The following ITPR3 variants were observed in gnomAD, a reference collection of about 807,000 sequenced individuals.
ITPR3 encodes the protein inositol 1,4,5-trisphosphate-gated calcium channel ITPR3.
In ITPR3, 173 loss-of-function variants were observed where a neutral mutation model predicts 293.2. The ratio of observed to expected loss-of-function variants is 0.59; its 90% confidence interval spans 0.52 to 0.67. The LOEUF (loss-of-function observed/expected upper bound fraction) is 0.67, where lower values mean the gene tolerates loss of function less well. ITPR3 is among the 30% of genes least tolerant of loss of function. The pLI is 0.00. For missense variants in ITPR3, 2,796 were observed against 3,592.1 expected, an observed-to-expected ratio of 0.78 and a Z score of 5.66; for synonymous variants, 1,295 against 1,444.4, an observed-to-expected ratio of 0.90 and a Z score of 2.35.
In ITPR3 at chr6:33,659,166, C is replaced by A. The variant is rs754859188; in HGVS notation, c.627+47C>A. On this transcript the variant is annotated intron_variant, in intron 6 of 57. Transcript: ENST00000605930. ...CATGCAGTGCAGGGACGTCCACACACCCCTGGTGGTGTAGACACCCCGCTC... is the reference window on the plus strand; with the variant it reads ...CATGCAGTGCAGGGACGTCCACACAACCCTGGTGGTGTAGACACCCCGCTC... The A allele has an allele frequency of 6.5e-6, 10 of 1,527,838 alleles. No homozygotes were observed. The South Asian group carries it at 6.7e-5, about 10-fold the overall frequency. 94.6% of individuals were successfully genotyped at this position (1,527,838 alleles called of 1,614,324 possible). A position where few individuals can be genotyped will look rare whatever the true frequency, so the allele number is the denominator to read the frequency against.
Position 33,670,840 on chromosome 6 carries a change from TG to T in ITPR3, c.2586+30del. 1 of 1,608,574 alleles carries T rather than the reference TG, an allele frequency of 6.2e-7. No individual in the cohort carries two copies. Reference sequence around the variant, plus strand: ...GGTGGCTGGGGGAGTGCCCAGGGGCTGGGGGTCCGTGGAGCTCTTGTTGGCC... The same window carrying T: ...GGTGGCTGGGGGAGTGCCCAGGGGCTGGGGTCCGTGGAGCTCTTGTTGGCC... On this transcript the variant is annotated intron_variant, in intron 20 of 57. Transcript: ENST00000605930. This position sits in a 1 kb window ranked among gnomAD's most constrained non-coding sequence, Gnocchi z 6.7.
intron 13 of ITPR3, 74 bp from the exon 14 acceptor site, chr6:33,665,761 G>A: frequency 1.9e-6 from 3 of 1,551,072 alleles, no homozygotes; most frequent in Non-Finnish European, 2.7e-6. Flanking sequence ...TGTTTTGGGA[G>A]GGACTGGCTC....
In ITPR3 at chr6:33,621,355, G is replaced by GCGGGC. The variant is rs1473726142; in HGVS notation, c.-242_-238dup. On this transcript the variant is annotated 5_prime_UTR_variant, in exon 1 of 58. Coordinates refer to ENST00000605930, the MANE Select transcript of ITPR3 (RefSeq NM_002224.4). This position sits in a 1 kb window ranked among gnomAD's most constrained non-coding sequence, Gnocchi z 7.7. ...TGCTCCTTCTACGCTGCAGGTACGCGCGGGCCGGGCGGGGCGGGCGGGCGG... is the reference window on the plus strand; with the variant it reads ...TGCTCCTTCTACGCTGCAGGTACGCGCGGGCCGGGCCGGGCGGGGCGGGCGGGCGG... 3.5e-5 allele frequency: 8 copies of GCGGGC among 228,176 alleles called. No homozygotes were observed. Among genetic ancestry groups the GCGGGC allele is most frequent in the African/African-American group, 4.6e-5 (2 of 43,264 alleles). The allele number at this position is 228,176 out of a possible 1,614,324, so 14.1% of individuals were successfully genotyped here. A position where few individuals can be genotyped will look rare whatever the true frequency, so the allele number is the denominator to read the frequency against.
Position 33,671,300 on chromosome 6 carries a change from C to A in ITPR3, c.2722C>A (p.Pro908Thr), listed in dbSNP as rs543022357. Residue 908 changes from proline (P) to threonine (T), a missense_variant, in exon 21 of 58, where the codon CCC (proline) becomes ACC (threonine). Physicochemically the swap from Pro to Thr is conservative, Grantham distance 38. Coordinates refer to ENST00000605930, the MANE Select transcript of ITPR3 (RefSeq NM_002224.4). ...PPAMLQAYED[P>T]GGKNVRRSIQ... ...GGCCATGCTGCAGGCCTATGAGGAC[C>A]CCGGTGGTGAGGCCTTTGCCCGGCT... 2.2e-5 allele frequency: 36 copies of A among 1,611,702 alleles called. No homozygotes were observed. The highest frequency in any genetic ancestry group is 1.6e-4 in the Middle Eastern group (1 of 6,062).
intron 55 of ITPR3, among the ~76,000 whole-genome samples, chr6:33,693,290 C>T (rs573178685): frequency 7.2e-5 from 11 of 152,288 alleles, no homozygotes; most frequent in Admixed American, 3.9e-4. Flanking sequence ...CCCCTGAGTT[C>T]GAGAAATTCT....
Position 33,680,194 on chromosome 6 carries a change from C to T in ITPR3, c.4224+61C>T, listed in dbSNP as rs1375867622. ...TGGGGCGAAGGGGTGGGTAAAGCCA[C>T]GGGACAGGAAGAGTGGGTGAAGCAA... is the stretch of plus-strand genomic sequence containing the variant. On this transcript the variant is annotated intron_variant, in intron 31 of 57. Coordinates refer to ENST00000605930, the MANE Select transcript of ITPR3 (RefSeq NM_002224.4). The T allele has an allele frequency of 1.1e-5, 18 of 1,591,132 alleles. No individual in the cohort carries two copies. The East Asian group carries it at 1.3e-4, about 12-fold the overall frequency.
Position 33,679,069 on chromosome 6 carries a change from G to A in ITPR3, c.3972+230G>A, listed in dbSNP as rs1404837728. On this transcript the variant is annotated intron_variant, in intron 30 of 57. Transcript: ENST00000605930. This position sits in a 1 kb window ranked among gnomAD's most constrained non-coding sequence, Gnocchi z 4.2. ...GGGTCCCAGTAGCATCAGGCACCTA[G>A]CAGAACTCAGACAACAGGCCAGAAA... Among the ~76,000 whole-genome samples the A allele has an allele frequency of 2.6e-5, 4 of 152,206 alleles. No individual in the cohort carries two copies. Among genetic ancestry groups the A allele is most frequent in the African/African-American group, 9.7e-5 (4 of 41,440 alleles).
At position 33,680,561 on chromosome 6, in the gene ITPR3, A is replaced by G. The variant is rs759238077; in HGVS notation, c.4357A>G (p.Ser1453Gly). 1.9e-6 allele frequency: 3 copies of G among 1,613,876 alleles called. No homozygotes were observed. The highest frequency in any genetic ancestry group is 8.5e-7 in the Non-Finnish European group (1 of 1,179,884). Residue 1453 changes from serine to glycine, a missense_variant, in exon 33 of 58, where the codon AGC (serine) becomes GGC (glycine). By Grantham distance (56) the Ser-to-Gly change is moderately conservative (BLOSUM62 0). Around this residue, in one of 8 missense-constraint regions of ITPR3, gnomAD observed 344 missense variants for 460.3 expected, o/e 0.75. Transcript: ENST00000605930. ...NFTLDMARVC[S>G]KREKRVADPT... ...TCCCTCTCTCCTGCCTCAGGTCTGC[A>G]GCAAGCGTGAGAAGCGCGTGGCTGA...
chr6:33,663,054 C>T (rs531731106), intron 9 of ITPR3, 48 bp downstream of exon 9: 31 of 1,506,882 alleles, frequency 2.1e-5, no homozygotes, highest in Middle Eastern at 1.7e-4. Context: ...TGCATGTACA[C>T]GTGGGTGTGC....
In ITPR3 at chr6:33,680,681, G is replaced by T; in HGVS notation, c.4476+1G>T. On this transcript the variant is annotated splice_donor_variant, in intron 33 of 57. Transcript: ENST00000605930. LOFTEE classifies it high-confidence loss of function. ...CTCTGAGAACAGCACTTCCCTGCAG[G>T]TGAGCTTCTCCTCTCCCACCACCCC... 6.2e-7 allele frequency: 1 copy of T among 1,611,166 alleles called. No individual in the cohort carries two copies. Among genetic ancestry groups the T allele is most frequent in the Non-Finnish European group, 8.5e-7 (1 of 1,177,536 alleles).
intron 18 of ITPR3, 107 bp downstream of exon 18, chr6:33,669,263 G>A: frequency 8.6e-7 from 1 of 1,156,712 alleles, no homozygotes; most frequent in Non-Finnish European, 1.2e-6. Flanking sequence ...CTCAGGTGGG[G>A]CTCCTGCCTC....
chr6:33,623,675 T>C (rs1410107728), intron 1 of ITPR3, among the ~76,000 whole-genome samples: 2 of 152,134 alleles, frequency 1.3e-5, no homozygotes, highest in Non-Finnish European at 2.9e-5. Context: ...CCCCTGCCCT[T>C]GTGCAGGCCT....
Position 33,682,394 on chromosome 6 carries a change from G to A in ITPR3, c.4477-130G>A. Reference sequence around the variant, plus strand: ...AGTACCTTTTTCCAACTGGCACAGAGGCACATGGTGGCTAGTGAAGGCTCC... The same window carrying A: ...AGTACCTTTTTCCAACTGGCACAGAAGCACATGGTGGCTAGTGAAGGCTCC... On this transcript the variant is annotated intron_variant, in intron 33 of 57. Transcript: ENST00000605930. This position sits in a 1 kb window ranked among gnomAD's most constrained non-coding sequence, Gnocchi z 5.4. The A allele has an allele frequency of 2.8e-6, 3 of 1,071,200 alleles. No individual in the cohort carries two copies. Among genetic ancestry groups the A allele is most frequent in the Non-Finnish European group, 3.9e-6 (3 of 766,708 alleles). 66.4% of individuals were successfully genotyped at this position (1,071,200 alleles called of 1,614,324 possible).
chr6:33,695,530 G>GATC (rs774343371), intron 57 of ITPR3, 182 bp from the exon 58 acceptor site: 1 of 632,518 alleles, frequency 1.6e-6, no homozygotes, highest in Non-Finnish European at 2.8e-6. Flanking sequence ...CGCTAATTGA[G>GATC]AACAAGGGTT....
rs1764641549 is a variant in ITPR3 at position 33,667,483 on chromosome 6, C to T, written c.1713+193C>T. Among the ~76,000 whole-genome samples the T allele has an allele frequency of 6.6e-6, 1 of 152,208 alleles. No homozygotes were observed. The highest frequency in any genetic ancestry group is 2.1e-4 in the South Asian group (1 of 4,832). On this transcript the variant is annotated intron_variant, in intron 15 of 57. Coordinates refer to ENST00000605930, the MANE Select transcript of ITPR3 (RefSeq NM_002224.4). This position sits in a 1 kb window ranked among gnomAD's most constrained non-coding sequence, Gnocchi z 4.4. ...CAAGGGCCTTGCACTGGGTTAGATGCTCTGCTGCTGAGCAAGGGTCCTGCT... is the reference window on the plus strand; with the variant it reads ...CAAGGGCCTTGCACTGGGTTAGATGTTCTGCTGCTGAGCAAGGGTCCTGCT...
At chr6:33,694,891 A>T (rs1367370272) in intron 56 of ITPR3, 33 bp from the exon 57 acceptor site, 1 of 1,613,646 alleles carries the variant, frequency 6.2e-7, no homozygotes, top group African/African-American at 1.3e-5. Flanking sequence ...GGCCGGGCCC[A>T]CGCCTGCTTA....
At chr6:33,657,862 G>A (rs1764350886) in intron 3 of ITPR3, 70 bp from the exon 4 acceptor site, 1 of 1,277,066 alleles carries the variant, frequency 7.8e-7, no homozygotes, top group Admixed American at 1.8e-5. Context: ...TGCATGTGTG[G>A]GGCTGGGGTA....
At chr6:33,686,913 G>T in intron 43 of ITPR3, 96 bp from the exon 44 acceptor site, 1 of 976,260 alleles carries the variant, frequency 1.0e-6, no homozygotes, top group Non-Finnish European at 1.6e-6. Flanking sequence ...ACCTTTTGTT[G>T]GATGGGAGAG....
intron 33 of ITPR3, among the ~76,000 whole-genome samples, chr6:33,680,976 A>T (rs1202234345): frequency 6.6e-6 from 1 of 152,008 alleles, no homozygotes. Context: ...GCCCGCCACC[A>T]CGCCCAGCTA....
Sources: allele counts gnomAD v4.1 joint callset (sites outside exome capture counted in the v4.1 genomes callset), GRCh38; gene constraint gnomAD v4.1.1; regional missense constraint gnomAD v4.1.1; non-coding constraint Gnocchi (gnomAD v3.1); transcripts MANE v1.5; gene names NCBI Gene and HGNC (gene_info 2026-07-23, HGNC 2026-07-21).